SRPK2: variants seen among roughly 807,000 people sequenced by gnomAD.
SRPK2 encodes the protein SRSF protein kinase 2.
In SRPK2, 21 loss-of-function variants were observed where a neutral mutation model predicts 90.8. That is an observed-to-expected ratio of 0.23 (90% CI 0.16 to 0.33). SRPK2 has a LOEUF of 0.33. Ranked by LOEUF, SRPK2 falls within the 10% of genes least tolerant of loss-of-function variation. The pLI is 1.00. For missense variants in SRPK2, 620 were observed against 869.0 expected (o/e 0.71, Z 3.60); for synonymous variants, 288 against 311.1 (o/e 0.93, Z 0.78).
upstream of SRPK2, chr7:105,389,009 G>A (rs1385899738): frequency 5.5e-6 from 5 of 912,962 alleles, no homozygotes; most frequent in Non-Finnish European, 6.2e-6. Flanking sequence ...CCACCCGCCG[G>A]CCCCGGGGGT....
intron 2 of SRPK2, among the ~76,000 whole-genome samples, chr7:105,275,077 G>C (rs1278997803): frequency 6.6e-6 from 1 of 151,950 alleles, no homozygotes; most frequent in South Asian, 2.1e-4. Context: ...TAGTAGAGAC[G>C]GGGGTTTCAC....
At chr7:105,167,266 T>C in intron 6 of SRPK2, 111 bp downstream of exon 6, 1 of 825,326 alleles carries the variant, frequency 1.2e-6, no homozygotes, top group East Asian at 2.7e-5. Flanking sequence ...ACAATGTTCC[T>C]AGAGTGTTTA....
chr7:105,345,184 A>G (rs1410593442), intron 2 of SRPK2, among the ~76,000 whole-genome samples: 6 of 112,900 alleles, frequency 5.3e-5, no homozygotes, highest in South Asian at 6.8e-4. Flanking sequence ...GGAGGAGAGG[A>G]GAGGGGAGGG....
chr7:105,179,333 G>A (rs576520797), intron 3 of SRPK2, among the ~76,000 whole-genome samples: 2 of 152,230 alleles, frequency 1.3e-5, no homozygotes, highest in African/African-American at 2.4e-5. Context: ...TATGTGCCAC[G>A]TTAGTGTTTA....
chr7:105,266,797 C>T (rs902582485), intron 2 of SRPK2, among the ~76,000 whole-genome samples: 1 of 152,072 alleles, frequency 6.6e-6, no homozygotes, highest in African/African-American at 2.4e-5. Context: ...TCTTTTTAAA[C>T]TTCAGATTCT....
At chr7:105,397,769 G>A (rs1822372603) in intron 1 of SRPK2, among the ~76,000 whole-genome samples, 3 of 151,900 alleles carry the variant, frequency 2.0e-5, no homozygotes, top group Admixed American at 1.3e-4. Flanking sequence ...TCAGCCTTCC[G>A]AGTAGCTGGG....
intron 2 of SRPK2, among the ~76,000 whole-genome samples, chr7:105,302,782 T>C (rs1810704510): frequency 6.6e-6 from 1 of 152,172 alleles, no homozygotes; most frequent in Non-Finnish European, 1.5e-5. Flanking sequence ...GAAAGCATTT[T>C]AGTAAGAAAT....
At chr7:105,304,706 C>A (rs772475980) in intron 2 of SRPK2, among the ~76,000 whole-genome samples, 1 of 152,118 alleles carries the variant, frequency 6.6e-6, no homozygotes, top group East Asian at 1.9e-4. Context: ...AACTGATAAA[C>A]TGAAAAACAA....
rs1275646289 is a variant in SRPK2 at position 105,187,069 on chromosome 7, T to C, written c.229+16559A>G. Among the ~76,000 whole-genome samples the C allele has an allele frequency of 5.9e-5, 9 of 152,234 alleles. No homozygotes were observed. The East Asian group carries it at 1.7e-3, about 29-fold the overall frequency. On this transcript the variant is annotated intron_variant, in intron 3 of 15. Transcript: ENST00000393651. ...CCATCCCAGCTTTGTCTTTTCTAAA[T>C]TCTTGATACATAAAATCATGAACAA...
intron 2 of SRPK2, among the ~76,000 whole-genome samples, chr7:105,272,193 T>C (rs1181870240): frequency 6.6e-6 from 1 of 152,210 alleles, no homozygotes; most frequent in Non-Finnish European, 1.5e-5. Flanking sequence ...TCTCCATGTA[T>C]ACATTTAGAC....
chr7:105,185,139 G>A (rs190347289), intron 3 of SRPK2, among the ~76,000 whole-genome samples: 1 of 151,966 alleles, frequency 6.6e-6, no homozygotes, highest in Admixed American at 6.6e-5. Context: ...ATTGAATTAT[G>A]AACTGAAGAA....
intron 2 of SRPK2, among the ~76,000 whole-genome samples, chr7:105,270,575 T>C (rs1805705363): frequency 6.6e-6 from 1 of 151,928 alleles, no homozygotes; most frequent in African/African-American, 2.4e-5. Context: ...ACCCAGCTAA[T>C]TTTTTGTCTT....
chr7:105,171,277 G>T (rs1467739475), intron 3 of SRPK2, among the ~76,000 whole-genome samples: 2 of 152,108 alleles, frequency 1.3e-5, no homozygotes, highest in African/African-American at 2.4e-5. Context: ...AAATACGGAG[G>T]ATAAGATGTT....
At chr7:105,360,563 T>A (rs1292852399) in intron 2 of SRPK2, among the ~76,000 whole-genome samples, 2 of 152,192 alleles carry the variant, frequency 1.3e-5, no homozygotes, top group African/African-American at 4.8e-5. Flanking sequence ...AAGGCAGGCC[T>A]GGTGGTGACA....
At chr7:105,180,952 G>A (rs1402482083) in intron 3 of SRPK2, among the ~76,000 whole-genome samples, 1 of 152,106 alleles carries the variant, frequency 6.6e-6, no homozygotes, top group Non-Finnish European at 1.5e-5. Flanking sequence ...CAGGATGGCA[G>A]AAATATTTAC....
At chr7:105,384,150 AAG>A (rs1356182693) in intron 2 of SRPK2, among the ~76,000 whole-genome samples, 5 of 152,272 alleles carry the variant, frequency 3.3e-5, no homozygotes, top group Middle Eastern at 3.4e-3. Context: ...AAATAAATGA[AAG>A]AGATATTTTA....
At chr7:105,147,656 CA>C (rs1366657435) in intron 7 of SRPK2, among the ~76,000 whole-genome samples, 4 of 152,146 alleles carry the variant, frequency 2.6e-5, no homozygotes, top group Admixed American at 6.5e-5. Context: ...TTCATTGCTC[CA>C]AAAAGAAACA....
At chr7:105,115,150 C>CTA (rs1234505207), downstream of SRPK2, 1 of 152,102 alleles carries the variant, frequency 6.6e-6, no homozygotes, top group African/African-American at 2.4e-5. Flanking sequence ...AGTATATACT[C>CTA]TAAAATACAG....
At chr7:105,152,086 A>G (rs931460714) in intron 7 of SRPK2, among the ~76,000 whole-genome samples, 12 of 151,918 alleles carry the variant, frequency 7.9e-5, no homozygotes, top group African/African-American at 2.7e-4. Context: ...TAAAAGGACT[A>G]TACTTGATAA....
Sources: gnomAD v4.1 joint callset for allele counts (sites outside exome capture counted in the v4.1 genomes callset) on GRCh38, gnomAD v4.1.1 for gene constraint, MANE v1.5 for transcripts, NCBI Gene and HGNC (gene_info 2026-07-23, HGNC 2026-07-21) for gene names.